Variants in SPECC1 observed in about 807,000 individuals in gnomAD.
The protein encoded by SPECC1 is cytospin-B.
Under a neutral mutation model 104.1 loss-of-function variants are expected in SPECC1, and 62 were observed. The ratio of observed to expected loss-of-function variants is 0.60; its 90% CI spans 0.49 to 0.74. The LOEUF is 0.74. SPECC1 is among the 30% of genes least tolerant of loss of function. The probability of loss-of-function intolerance (pLI) is 0.00; values close to 1 mark genes in which losing one functional copy is unlikely to be tolerated. For missense variants in SPECC1, 1,306 were observed against 1,310.5 expected (o/e 1.00, Z 0.05); for synonymous variants, 513 against 501.6 (o/e 1.02, Z -0.30).
intron 14 of SPECC1, among the ~76,000 whole-genome samples, chr17:20,310,048 C>T (rs939468205): frequency 1.2e-4 from 19 of 152,016 alleles, no homozygotes; most frequent in African/African-American, 4.4e-4. Context: ...TCTCAAACTC[C>T]TGACCTCAGG....
At chr17:20,024,391 A>G (rs926363123) in intron 1 of SPECC1, among the ~76,000 whole-genome samples, 4 of 152,172 alleles carry the variant, frequency 2.6e-5, no homozygotes, top group Non-Finnish European at 5.9e-5. Flanking sequence ...CTAGTCCAGT[A>G]ATTCTCCATT....
In SPECC1 at chr17:20,012,212, G is replaced by A. The variant is rs1168259163; in HGVS notation, c.-22+2788G>A. On this transcript the variant is annotated intron_variant, in intron 1 of 14. Transcript: ENST00000395527. Reference sequence around the variant, plus strand: ...TAATTTGCAGTCCACTGTCAGTCACGACTGTTCCCTGAACTCTTAGTATAT... The same window carrying A: ...TAATTTGCAGTCCACTGTCAGTCACAACTGTTCCCTGAACTCTTAGTATAT... 2.0e-5 allele frequency among the ~76,000 whole-genome samples: 3 copies of A among 152,056 alleles called. No homozygotes were observed. In the East Asian group the frequency reaches 5.8e-4, roughly 29 times the overall value.
Position 20,110,465 on chromosome 17 carries a change from A to C in SPECC1, c.186A>C (p.Pro62=). The C allele has an allele frequency of 6.2e-7, 1 of 1,614,086 alleles. No homozygotes were observed. Among genetic ancestry groups the C allele is most frequent in the Non-Finnish European group, 8.5e-7 (1 of 1,179,988 alleles). ...RASSEDTLNK[P]GSTAASGVVR... ...GCAGTGAGGACACGCTCAACAAGCC[A>C]GGAAGTACCGCTGCATCGGGGGTGG... Residue 62 remains proline (P), a synonymous_variant, in exon 3 of 15, where the codon CCA becomes CCC. Transcript: ENST00000395527.
chr17:20,185,900 C>T (rs1009105397), intron 3 of SPECC1, among the ~76,000 whole-genome samples: 10 of 152,166 alleles, frequency 6.6e-5, no homozygotes, highest in African/African-American at 2.4e-4. Flanking sequence ...TGCAATGGCA[C>T]GATCTTGGCT....
chr17:20,183,686 A>C (rs528248978), intron 3 of SPECC1, among the ~76,000 whole-genome samples: 55 of 152,302 alleles, frequency 3.6e-4, no homozygotes, highest in African/African-American at 1.3e-3. Context: ...ATACAATGTA[A>C]ATGCCGTGTC....
At chr17:20,169,482 C>T (rs1419956331) in intron 3 of SPECC1, among the ~76,000 whole-genome samples, 1 of 151,502 alleles carries the variant, frequency 6.6e-6, no homozygotes, top group Non-Finnish European at 1.5e-5. Context: ...ATATCTTCAC[C>T]TTACAATAAA....
intron 12 of SPECC1, among the ~76,000 whole-genome samples, chr17:20,284,646 C>T (rs185932796): frequency 6.6e-6 from 1 of 152,366 alleles, no homozygotes; most frequent in Admixed American, 6.5e-5. Flanking sequence ...GTGATCCTCC[C>T]TGGGCTTTTA....
intron 11 of SPECC1, among the ~76,000 whole-genome samples, chr17:20,259,350 A>C (rs192660483): frequency 6.6e-6 from 1 of 152,238 alleles, no homozygotes; most frequent in Non-Finnish European, 1.5e-5. Context: ...CAAAAAGGCT[A>C]TATGTATATG....
At chr17:20,021,011 G>T (rs182557015) in intron 1 of SPECC1, among the ~76,000 whole-genome samples, 1 of 152,284 alleles carries the variant, frequency 6.6e-6, no homozygotes, top group Admixed American at 6.5e-5. Flanking sequence ...TTTATTTTGC[G>T]TGTGATGTGT....
chr17:20,060,491 A>G (rs891403716), intron 1 of SPECC1, among the ~76,000 whole-genome samples: 5 of 151,570 alleles, frequency 3.3e-5, no homozygotes, highest in Admixed American at 3.3e-4. Context: ...TACAAAAAAT[A>G]AAAAAATTTA....
At chr17:20,093,786 A>C (rs2047519314) in intron 1 of SPECC1, among the ~76,000 whole-genome samples, 1 of 147,028 alleles carries the variant, frequency 6.8e-6, no homozygotes, top group African/African-American at 2.5e-5. Flanking sequence ...GCTGGAGTGC[A>C]GTAGCTCAAT....
In SPECC1 at chr17:20,314,185, G is replaced by T. The variant is rs1567629029; in HGVS notation, c.*120G>T. 2 of 827,970 alleles carry T rather than the reference G, an allele frequency of 2.4e-6. No individual in the cohort carries two copies. The highest frequency in any genetic ancestry group is 4.2e-5 in the Admixed American group (2 of 47,910). 51.3% of individuals were successfully genotyped at this position (827,970 alleles called of 1,614,324 possible). A position where few individuals can be genotyped will look rare whatever the true frequency, so the allele number is the denominator to read the frequency against. ...CCAGCTGCCTAGACTTCAAAGACAGGCTCAATCCAAGTGGACCAACACCCA... is the reference window on the plus strand; with the variant it reads ...CCAGCTGCCTAGACTTCAAAGACAGTCTCAATCCAAGTGGACCAACACCCA... On this transcript the variant is annotated 3_prime_UTR_variant, in exon 15 of 15. Transcript: ENST00000395527.
chr17:20,211,675 G>A lies in SPECC1; in HGVS notation c.1863+5763G>A, dbSNP rs1305416241. Among the ~76,000 whole-genome samples, 5 of 152,356 alleles carry A rather than the reference G, an allele frequency of 3.3e-5. No homozygotes were observed. In the East Asian group the frequency reaches 9.6e-4, roughly 29 times the overall value. ...ACACCCCCAGGTCTCTGTTCTTGAA[G>A]CCCCTTGAAAAGGGGCAGAAGTTTG... On this transcript the variant is annotated intron_variant, in intron 4 of 14. Coordinates refer to ENST00000395527, the MANE Select transcript of SPECC1 (RefSeq NM_001243439.2).
At position 20,314,162 on chromosome 17, in the gene SPECC1, A is replaced by G; in HGVS notation, c.*97A>G. 9.6e-7 allele frequency: 1 copy of G among 1,037,346 alleles called. No individual in the cohort carries two copies. Among genetic ancestry groups the G allele is most frequent in the East Asian group, 2.6e-5 (1 of 38,950 alleles). The allele number at this position is 1,037,346 out of a possible 1,614,324, so 64.3% of individuals were successfully genotyped here. A position where few individuals can be genotyped will look rare whatever the true frequency, so the allele number is the denominator to read the frequency against. On this transcript the variant is annotated 3_prime_UTR_variant, in exon 15 of 15. Coordinates refer to ENST00000395527, the MANE Select transcript of SPECC1 (RefSeq NM_001243439.2). ...ACTGACCCTGCTCTGCCCACCACCC[A>G]GCTGCCTAGACTTCAAAGACAGGCT...
At chr17:20,303,598 G>C (rs1045343927) in intron 13 of SPECC1, among the ~76,000 whole-genome samples, 1 of 152,082 alleles carries the variant, frequency 6.6e-6, no homozygotes, top group African/African-American at 2.4e-5. Context: ...AATGGAAAAG[G>C]GTATAAAATG....
intron 12 of SPECC1, among the ~76,000 whole-genome samples, chr17:20,268,113 T>A (rs572442268): frequency 2.6e-5 from 4 of 152,330 alleles, no homozygotes; most frequent in Admixed American, 2.6e-4. Context: ...GCATTTCAGA[T>A]CAAAAGAAAG....
intron 1 of SPECC1, among the ~76,000 whole-genome samples, chr17:20,061,346 A>G (rs2046178058): frequency 6.6e-6 from 1 of 152,246 alleles, no homozygotes; most frequent in Admixed American, 6.5e-5. Flanking sequence ...TGCTGGGATT[A>G]CAGGTATGAG....
In SPECC1 at chr17:20,194,400, A is replaced by G. The variant is rs557148582; in HGVS notation, c.284-9933A>G. Among the ~76,000 whole-genome samples, 11 of 152,206 alleles carry G rather than the reference A, an allele frequency of 7.2e-5. No homozygotes were observed. The East Asian group carries it at 1.9e-3, about 27-fold the overall frequency. On this transcript the variant is annotated intron_variant, in intron 3 of 14. Transcript: ENST00000395527. ...TTCCACACAGGCTTTTATTGGCTCT[A>G]TAAATCAAGTTTAATTCCTTAAAGG...
intron 1 of SPECC1, among the ~76,000 whole-genome samples, chr17:20,036,522 C>G (rs57040439): frequency 0.11 from 16,826 of 152,140 alleles, 950 homozygotes; most frequent in Non-Finnish European, 0.12. Context: ...TGCTAATTAA[C>G]GTATGCATTA....
Sources: allele counts gnomAD v4.1 joint callset (sites outside exome capture counted in the v4.1 genomes callset), GRCh38; gene constraint gnomAD v4.1.1; transcripts MANE v1.5; gene names NCBI Gene and HGNC (gene_info 2026-07-23, HGNC 2026-07-21).